SF1: variants seen among roughly 807,000 people sequenced by gnomAD.
SF1 encodes splicing factor 1.
SF1 carries 7 observed loss-of-function variants against 62.5 expected under a neutral mutation model. The observed-to-expected ratio is 0.11, with a 90% CI of 0.06 to 0.21. SF1 has a LOEUF of 0.21. Among genes scored for constraint, SF1 ranks in the 10% least tolerant of loss-of-function variants. The pLI, the probability that SF1 is intolerant of heterozygous loss-of-function variation, is 1.00. For synonymous variants in SF1, 394 were observed against 323.6 expected, an observed-to-expected ratio of 1.22 and a Z score of -2.33; for missense variants, 578 against 884.0, an observed-to-expected ratio of 0.65 and a Z score of 4.39.
At chr11:64,775,499 G>A (rs1265746547) in intron 2 of SF1, among the ~76,000 whole-genome samples, 1 of 152,194 alleles carries the variant, frequency 6.6e-6, no homozygotes, top group Non-Finnish European at 1.5e-5. Context: ...AAAGGAGACA[G>A]ACAATTCCAA....
chr11:64,767,473 G>T, intron 10 of SF1, 98 bp downstream of exon 10: 1 of 1,293,452 alleles, frequency 7.7e-7, no homozygotes, highest in Non-Finnish European at 1.1e-6. Flanking sequence ...CCAGCACATT[G>T]CCCAGCCACT....
chr11:64,772,799 T>C, intron 3 of SF1: 1 of 984,640 alleles, frequency 1.0e-6, no homozygotes, highest in Non-Finnish European at 1.2e-6. Context: ...ACGCTCCCTT[T>C]AAGGAAAAAA....
At chr11:64,768,542 G>A (rs1937736723) in intron 8 of SF1, among the ~76,000 whole-genome samples, 1 of 152,242 alleles carries the variant, frequency 6.6e-6, no homozygotes, top group African/African-American at 2.4e-5. Flanking sequence ...GAGCACCGAT[G>A]AAGCACAGGT....
intron 2 of SF1, among the ~76,000 whole-genome samples, chr11:64,773,749 G>A (rs1364653307): frequency 1.3e-5 from 2 of 152,032 alleles, no homozygotes; most frequent in Non-Finnish European, 1.5e-5. Flanking sequence ...TTGGAAGAGG[G>A]GTTAGCAATA....
rs1340847947 is a variant in SF1 at position 64,778,143 on chromosome 11, G to A, written c.31+219C>T. ...GGGGACGGTGGCGGTGGAGGCGGCG[G>A]CGGCTGCTGGGGAGGCGGAGGGGGC... On this transcript the variant is annotated intron_variant, in intron 1 of 12. Coordinates refer to ENST00000377390, the MANE Select transcript of SF1 (RefSeq NM_004630.4). The A allele has an allele frequency of 7.0e-6, 6 of 860,182 alleles. No individual in the cohort carries two copies. In the Admixed American group the frequency reaches 2.2e-4, roughly 31 times the overall value. The allele number at this position is 860,182 out of a possible 1,614,324, so 53.3% of individuals were successfully genotyped here.
In SF1 at chr11:64,772,041, T is replaced by C. The variant is rs542148820; in HGVS notation, c.236+1389A>G. 109 of 985,418 alleles carry C rather than the reference T, an allele frequency of 1.1e-4. No individual in the cohort carries two copies. The South Asian group carries it at 2.2e-3, about 20-fold the overall frequency. 61.0% of individuals were successfully genotyped at this position (985,418 alleles called of 1,614,324 possible). A position where few individuals can be genotyped will look rare whatever the true frequency, so the allele number is the denominator to read the frequency against. ...AAAAACAAGTCTTACCAGCACCCAATTGGCCATGTGAAGGCCTCACAACAG... is the reference window on the plus strand; with the variant it reads ...AAAAACAAGTCTTACCAGCACCCAACTGGCCATGTGAAGGCCTCACAACAG... On this transcript the variant is annotated intron_variant, in intron 3 of 12. Transcript: ENST00000377390.
In SF1 at chr11:64,776,605, T is replaced by C. The variant is rs1197886426; in HGVS notation, c.53A>G (p.Lys18Arg). Residue 18 changes from lysine (K) to arginine (R), a missense_variant, in exon 2 of 13, where the codon AAG becomes AGG. Physicochemically the swap from Lys to Arg is conservative, Grantham distance 26. Transcript: ENST00000377390. ...TPLDFPSKKR[K>R]RSRWNQDTME... ...TGTGTCTTGGTTCCAGCGGCTCCTC[T>C]TCCGCTTCTTACTTGGGAAGTCTAA... 1.3e-6 allele frequency: 2 copies of C among 1,597,908 alleles called. No individual in the cohort carries two copies. Among genetic ancestry groups the C allele is most frequent in the African/African-American group, 2.7e-5 (2 of 73,722 alleles).
intron 1 of SF1, chr11:64,777,977 C>G (rs910823941): frequency 8.8e-5 from 87 of 993,852 alleles, no homozygotes; most frequent in East Asian, 2.2e-4. Flanking sequence ...GCTCTCTCGG[C>G]CCGACTCACC....
intron 5 of SF1, 153 bp from the exon 6 acceptor site, chr11:64,769,762 C>CACAGTAA (rs1323385467): frequency 1.3e-6 from 1 of 779,748 alleles, no homozygotes; most frequent in Non-Finnish European, 2.1e-6. Context: ...TATGGTCAGC[C>CACAGTAA]ACAGTAAACC....
intron 12 of SF1, chr11:64,766,407 A>C (rs1173671828): frequency 3.5e-6 from 2 of 567,298 alleles, no homozygotes; most frequent in African/African-American, 1.9e-5. Flanking sequence ...GGCTGAGGGG[A>C]AGGTACCAGA....
intron 2 of SF1, among the ~76,000 whole-genome samples, chr11:64,775,157 C>T (rs1259562323): frequency 2.0e-5 from 3 of 152,088 alleles, no homozygotes; most frequent in Non-Finnish European, 4.4e-5. Context: ...GTCTTCCTAG[C>T]TGACTATGGA....
At position 64,770,420 on chromosome 11, in the gene SF1, A is replaced by G. The variant is rs764371271; in HGVS notation, c.237-12T>C. On this transcript the variant is annotated splice_polypyrimidine_tract_variant and intron_variant, in intron 3 of 12. Coordinates refer to ENST00000377390, the MANE Select transcript of SF1 (RefSeq NM_004630.4). ...CAGGGGAAGGGGACCTGTGGGAAAC[A>G]GACTCCCGTTTACTATTCTGCACCG... The G allele has an allele frequency of 3.1e-6, 5 of 1,609,302 alleles. No homozygotes were observed.
chr11:64,773,592 T>A, intron 2 of SF1, 87 bp from the exon 3 acceptor site: 2 of 1,453,044 alleles, frequency 1.4e-6, no homozygotes, highest in East Asian at 2.4e-5. Context: ...ACAACAAGCA[T>A]GAAGAACTCG....
chr11:64,770,617 A>G (rs1938165788), intron 3 of SF1: 10 of 462,752 alleles, frequency 2.2e-5, no homozygotes, highest in Non-Finnish European at 3.8e-5. Flanking sequence ...GTGTGTGAGA[A>G]AGGAAAAAAA....
In SF1 at chr11:64,767,692, C is replaced by A. The variant is rs761297123; in HGVS notation, c.1221G>T (p.Gly407=). Residue 407 remains glycine (G), a synonymous_variant, in exon 10 of 13, where the codon GGG becomes GGT. Transcript: ENST00000377390. The stretch of plus-strand genomic sequence containing the variant: ...TGTGCTGCATGGGATGTCCACCATG[C>A]CCACCTGTCAGGCTGGGTAATGGGT... The part of the protein sequence containing the change: ...FPHPLPSLTG[G]HGGHPMQHNP... The A allele has an allele frequency of 4.3e-6, 7 of 1,610,992 alleles. No homozygotes were observed. Among genetic ancestry groups the A allele is most frequent in the African/African-American group, 1.3e-5 (1 of 74,752 alleles).
chr11:64,773,351 A>G, intron 3 of SF1, 79 bp downstream of exon 3: 2 of 1,562,942 alleles, frequency 1.3e-6, no homozygotes, highest in Non-Finnish European at 1.7e-6. Flanking sequence ...TTGAACTGAC[A>G]CAATATGTTG....
rs1166300315 is a variant in SF1, at chr11:64,765,772, G to C, written c.*46C>G. 4 of 1,495,992 alleles carry C rather than the reference G, an allele frequency of 2.7e-6. No individual in the cohort carries two copies. Among genetic ancestry groups the C allele is most frequent in the Non-Finnish European group, 3.6e-6 (4 of 1,125,078 alleles). 92.7% of individuals were successfully genotyped at this position (1,495,992 alleles called of 1,614,324 possible). On this transcript the variant is annotated 3_prime_UTR_variant, in exon 13 of 13. Transcript: ENST00000377390. ...GGTGAGGTTCGGCGTGTTTAAACGA[G>C]ACCAATTCTCTCTATATATAATATA... is the stretch of plus-strand genomic sequence containing the variant.
At chr11:64,778,033 CTGGG>C (rs1939652615) in intron 1 of SF1, 1 of 1,009,282 alleles carries the variant, frequency 9.9e-7, no homozygotes, top group African/African-American at 1.7e-5. Context: ...TACGCGGCGG[CTGGG>C]GTGGCGGCGG....
chr11:64,770,053 T>C lies in SF1; in HGVS notation c.390A>G (p.Lys130=). ...NPDFKPPADY[K]PPATRVSDKV... Reference sequence around the variant, plus strand: ...TATCACTCACACGTGTTGCTGGAGGTCTAAGAAAGAAAAGCCTGTGTCACC... The same window carrying C: ...TATCACTCACACGTGTTGCTGGAGGCCTAAGAAAGAAAAGCCTGTGTCACC... The change falls in exon 5 of 13, where the codon AAA becomes AAG. Residue 130 remains lysine, a splice_region_variant and synonymous_variant. Coordinates refer to ENST00000377390, the MANE Select transcript of SF1 (RefSeq NM_004630.4). The C allele has an allele frequency of 6.2e-7, 1 of 1,613,010 alleles. No individual in the cohort carries two copies. Among genetic ancestry groups the C allele is most frequent in the Admixed American group, 1.7e-5 (1 of 59,974 alleles).
Sources: allele counts gnomAD v4.1 joint callset (sites outside exome capture counted in the v4.1 genomes callset), GRCh38; gene constraint gnomAD v4.1.1; transcripts MANE v1.5; gene names NCBI Gene and HGNC (gene_info 2026-07-23, HGNC 2026-07-21).